Variants in RALY observed in about 807,000 individuals in gnomAD.
RALY encodes RALY heterogeneous nuclear ribonucleoprotein, also known as RNA-binding protein Raly.
In RALY, 15 loss-of-function variants were observed where a neutral mutation model predicts 30.7. The observed-to-expected ratio is 0.49, with a 90% CI of 0.33 to 0.75. RALY has a LOEUF of 0.75. Among genes scored for constraint, RALY ranks in the 30% least tolerant of loss-of-function variants. The pLI is 0.02. For missense variants in RALY, 339 were observed against 414.3 expected, an observed-to-expected ratio of 0.82 and a Z score of 1.58; for synonymous variants, 177 against 170.8, an observed-to-expected ratio of 1.04 and a Z score of -0.28.
chr20:34,041,679 T>A (rs542136234), intron 2 of RALY, among the ~76,000 whole-genome samples: 23 of 152,354 alleles, frequency 1.5e-4, no homozygotes, highest in African/African-American at 5.5e-4. Flanking sequence ...AGATATTTTT[T>A]GTTTCTGTAT....
intron 2 of RALY, among the ~76,000 whole-genome samples, chr20:34,035,162 A>AAAAC (rs1443855604): frequency 8.8e-6 from 1 of 113,768 alleles, no homozygotes; most frequent in Non-Finnish European, 1.6e-5. Flanking sequence ...CAAAAAAAAA[A>AAAAC]AAAAAAAAAA....
intron 1 of RALY, among the ~76,000 whole-genome samples, chr20:34,027,766 C>T (rs1283753288): frequency 6.6e-6 from 1 of 152,240 alleles, no homozygotes; most frequent in Non-Finnish European, 1.5e-5. Flanking sequence ...TGTATGTACT[C>T]TGTTATTCAG....
intron 2 of RALY, among the ~76,000 whole-genome samples, chr20:34,045,262 T>G (rs1017817364): frequency 3.3e-5 from 5 of 152,118 alleles, no homozygotes; most frequent in Non-Finnish European, 5.9e-5. Context: ...AGTAAATCAA[T>G]TATGTAATTC....
chr20:34,053,803 A>G (rs2033156779), intron 2 of RALY, among the ~76,000 whole-genome samples: 1 of 152,268 alleles, frequency 6.6e-6, no homozygotes, highest in Non-Finnish European at 1.5e-5. Context: ...TGGTGGGGCC[A>G]GTGGTTGGGC....
At chr20:34,026,007 C>T (rs2032020151) in intron 1 of RALY, among the ~76,000 whole-genome samples, 1 of 148,948 alleles carries the variant, frequency 6.7e-6, no homozygotes, top group Admixed American at 6.9e-5. Flanking sequence ...TGTCAGTAAC[C>T]CCTTAGCCAC....
chr20:34,071,595 A>G lies in RALY; in HGVS notation c.-9-471A>G, dbSNP rs530726289. 2.6e-5 allele frequency among the ~76,000 whole-genome samples: 4 copies of G among 152,146 alleles called. No individual in the cohort carries two copies. The East Asian group carries it at 5.8e-4, about 22-fold the overall frequency. On this transcript the variant is annotated intron_variant, in intron 2 of 9. Transcript: ENST00000246194. ...GCCCGGCCCCTGCAATTTTCATCAT[A>G]TGGTGGTGGTCTAGAGTAAACATCA...
intron 1 of RALY, among the ~76,000 whole-genome samples, chr20:34,010,275 C>G (rs1252353558): frequency 1.3e-5 from 2 of 152,168 alleles, no homozygotes. Context: ...GTTGCCCAAA[C>G]TGGAATGCAG....
rs369426609 is a variant in RALY at position 34,021,119 on chromosome 20, G to A, written c.-92-10403G>A. ...TGGGATTACAGGCGTGCACCACCAC[G>A]CCTGGCTAATTTTTGTATTGTTAGT... On this transcript the variant is annotated intron_variant, in intron 1 of 9. Coordinates refer to ENST00000246194, the MANE Select transcript of RALY (RefSeq NM_016732.3). 2.6e-5 allele frequency among the ~76,000 whole-genome samples: 4 copies of A among 152,074 alleles called. No homozygotes were observed. The East Asian group carries it at 7.8e-4, about 29-fold the overall frequency.
intron 2 of RALY, among the ~76,000 whole-genome samples, chr20:34,040,242 CT>C (rs2032650426): frequency 6.6e-6 from 1 of 152,198 alleles, no homozygotes; most frequent in Non-Finnish European, 1.5e-5. Flanking sequence ...ATCCAGATCT[CT>C]TGTGTCTCAT....
chr20:34,076,847 T>C (rs748084380), intron 7 of RALY, 32 bp downstream of exon 7: 5 of 1,608,992 alleles, frequency 3.1e-6, no homozygotes, highest in Non-Finnish European at 4.2e-6. Flanking sequence ...CCCACCTCCA[T>C]GACCAGGGCA....
chr20:33,994,935 T>A (rs1024472960), intron 1 of RALY, among the ~76,000 whole-genome samples: 2 of 152,110 alleles, frequency 1.3e-5, no homozygotes, highest in Non-Finnish European at 2.9e-5. Flanking sequence ...AAGCAGAAAT[T>A]AAGGCGCAGA....
chr20:34,079,098 T>C (rs1601520133), intron 9 of RALY, among the ~76,000 whole-genome samples: 1 of 151,882 alleles, frequency 6.6e-6, no homozygotes, highest in Non-Finnish European at 1.5e-5. Flanking sequence ...TGTCAGAGGG[T>C]GATGATTGTG....
chr20:34,029,292 C>T (rs1277016153), intron 1 of RALY, among the ~76,000 whole-genome samples: 2 of 151,936 alleles, frequency 1.3e-5, no homozygotes, highest in African/African-American at 4.8e-5. Flanking sequence ...ACAAAATTAG[C>T]TGGGCATGGT....
intron 6 of RALY, 116 bp from the exon 7 acceptor site, chr20:34,076,586 A>G: frequency 4.3e-6 from 4 of 919,590 alleles, no homozygotes; most frequent in Non-Finnish European, 6.5e-6. Flanking sequence ...CAGGGAAAAA[A>G]CAAAACAAAA....
At position 34,022,908 on chromosome 20, in the gene RALY, T is replaced by G. The variant is rs1262032635; in HGVS notation, c.-92-8614T>G. ...CCAAAGTTCCCCTCTCTTTTCAATC[T>G]AGAATATTAGTATATGCTCAAAGAT... On this transcript the variant is annotated intron_variant, in intron 1 of 9. Transcript: ENST00000246194. 2.6e-5 allele frequency among the ~76,000 whole-genome samples: 4 copies of G among 152,318 alleles called. No homozygotes were observed. The East Asian group carries it at 7.7e-4, about 29-fold the overall frequency.
chr20:34,026,720 C>T (rs1222229551), intron 1 of RALY, among the ~76,000 whole-genome samples: 2 of 152,102 alleles, frequency 1.3e-5, no homozygotes, highest in Non-Finnish European at 2.9e-5. Context: ...TACCTGTTCT[C>T]CCTTCACCCC....
Position 34,076,026 on chromosome 20 carries a change from C to G in RALY, c.530C>G (p.Ser177Ter). 6.2e-7 allele frequency: 1 copy of G among 1,614,026 alleles called. No individual in the cohort carries two copies. Among genetic ancestry groups the G allele is most frequent in the Non-Finnish European group, 8.5e-7 (1 of 1,179,874 alleles). The change falls in exon 6 of 10, where the codon TCA (serine) becomes TGA (stop). Residue 177 changes from serine to a stop codon, truncating the protein, a stop_gained. Coordinates refer to ENST00000246194, the MANE Select transcript of RALY (RefSeq NM_016732.3). LOFTEE classifies it high-confidence loss of function. ...FARSTAVTTS[S>*]AKIKLKSSEL... ...CGCTCCACAGCTGTCACCACCAGCTCAGCCAAGATCAAGTGTGAGTGACTG... is the reference window on the plus strand; with the variant it reads ...CGCTCCACAGCTGTCACCACCAGCTGAGCCAAGATCAAGTGTGAGTGACTG...
At chr20:34,025,476 G>T (rs895195727) in intron 1 of RALY, among the ~76,000 whole-genome samples, 5 of 151,920 alleles carry the variant, frequency 3.3e-5, no homozygotes, top group Non-Finnish European at 5.9e-5. Flanking sequence ...GCTAATTTTT[G>T]TATTTTTAGT....
chr20:34,065,117 C>A (rs1415214750), intron 2 of RALY: 1 of 152,170 alleles, frequency 6.6e-6, no homozygotes, highest in Non-Finnish European at 1.5e-5. Context: ...CCAGCATCTC[C>A]ACAGTGCCAG....
Sources: gnomAD v4.1 joint callset for allele counts (sites outside exome capture counted in the v4.1 genomes callset) on GRCh38, gnomAD v4.1.1 for gene constraint, MANE v1.5 for transcripts, NCBI Gene and HGNC (gene_info 2026-07-23, HGNC 2026-07-21) for gene names.